Variants in TMC7 observed in about 807,000 individuals in gnomAD.
The protein encoded by TMC7 is transmembrane channel-like protein 7.
In TMC7, 54 loss-of-function variants were observed where a neutral mutation model predicts 82.9. The ratio of observed to expected loss-of-function variants is 0.65; its 90% confidence interval spans 0.52 to 0.82. The LOEUF (loss-of-function observed/expected upper bound fraction) is 0.82. Ranked by LOEUF, TMC7 falls within the 40% of genes least tolerant of loss-of-function variation. The pLI, the probability that TMC7 is intolerant of heterozygous loss-of-function variation, is 0.00. For synonymous variants in TMC7, 350 were observed against 337.9 expected, an observed-to-expected ratio of 1.04 and a Z score of -0.39; for missense variants, 820 against 901.2, an observed-to-expected ratio of 0.91 and a Z score of 1.15.
Position 19,062,204 on chromosome 16 carries a change from G to A in TMC7, c.*361G>A, listed in dbSNP as rs1962037549. The A allele has an allele frequency of 4.8e-6, 1 of 206,356 alleles. No individual in the cohort carries two copies. Among genetic ancestry groups the A allele is most frequent in the Admixed American group, 5.7e-5 (1 of 17,468 alleles). 12.8% of individuals were successfully genotyped at this position (206,356 alleles called of 1,614,324 possible). On this transcript the variant is annotated 3_prime_UTR_variant, in exon 16 of 16. Coordinates refer to ENST00000304381, the MANE Select transcript of TMC7 (RefSeq NM_024847.4). ...GTTTTGGGTTGTGGACTGAAGCTCA[G>A]CCTGTTAATCAGACCAGCCCATGAG...
chr16:19,035,738 A>C lies in TMC7; in HGVS notation c.920A>C (p.Asn307Thr). Residue 307 changes from asparagine (N) to threonine (T), a missense_variant, in exon 7 of 16, where the codon AAC becomes ACC. By Grantham distance (65) the Asn-to-Thr change is moderately conservative (BLOSUM62 0). Transcript: ENST00000304381. ...RSEEHFQSYC[N>T]KIFAGWDFCI... ...GAGGAGCACTTTCAGAGTTACTGCA[A>C]CAAGATATTTGCCGGCTGGGACTTC... 6.2e-7 allele frequency: 1 copy of C among 1,613,864 alleles called. No homozygotes were observed. Among genetic ancestry groups the C allele is most frequent in the Non-Finnish European group, 8.5e-7 (1 of 1,179,948 alleles).
chr16:19,001,083 A>T (rs2039133538), intron 1 of TMC7, among the ~76,000 whole-genome samples: 1 of 152,240 alleles, frequency 6.6e-6, no homozygotes, highest in African/African-American at 2.4e-5. Flanking sequence ...CATATAGAGA[A>T]GAATAATATT....
chr16:19,010,991 G>A (rs1027178613), intron 2 of TMC7, among the ~76,000 whole-genome samples: 29 of 152,304 alleles, frequency 1.9e-4, no homozygotes, highest in Admixed American at 1.4e-3. Context: ...TCACAGTCCA[G>A]ATTCAATCGG....
intron 5 of TMC7, among the ~76,000 whole-genome samples, chr16:19,027,427 C>A (rs1255817267): frequency 6.6e-6 from 1 of 152,028 alleles, no homozygotes; most frequent in Non-Finnish European, 1.5e-5. Flanking sequence ...ACTGAATTTT[C>A]ATTTAATGTT....
At chr16:18,984,207 G>C in intron 1 of TMC7, 77 bp downstream of exon 1, 5 of 1,393,346 alleles carry the variant, frequency 3.6e-6, no homozygotes, top group Non-Finnish European at 4.6e-6. Context: ...GGTGCTGGAG[G>C]CTCGGCCTGG....
At chr16:19,023,264 T>G in intron 5 of TMC7, 69 bp downstream of exon 5, 1 of 1,038,242 alleles carries the variant, frequency 9.6e-7, no homozygotes, top group Non-Finnish European at 1.4e-6. Context: ...TAAAGATCAG[T>G]TTCCCAAATT....
chr16:19,039,212 T>C (rs1175645561), intron 8 of TMC7, among the ~76,000 whole-genome samples: 3 of 150,808 alleles, frequency 2.0e-5, no homozygotes, highest in Non-Finnish European at 2.9e-5. Flanking sequence ...TGTCTCAGCC[T>C]CCCGAGTAGC....
chr16:19,008,684 A>G (rs1032019410), intron 1 of TMC7, among the ~76,000 whole-genome samples: 18 of 152,156 alleles, frequency 1.2e-4, no homozygotes, highest in Admixed American at 9.2e-4. Flanking sequence ...TCTTAACACC[A>G]TGCCTGACAC....
At chr16:19,052,179 G>A (rs1961570364) in intron 13 of TMC7, among the ~76,000 whole-genome samples, 1 of 151,848 alleles carries the variant, frequency 6.6e-6, no homozygotes, top group Non-Finnish European at 1.5e-5. Context: ...TGATCCGCCC[G>A]CCTTGGCCTC....
At chr16:19,021,821 C>T (rs146971073) in intron 4 of TMC7, 25 bp downstream of exon 4, 87 of 1,608,404 alleles carry the variant, frequency 5.4e-5, no homozygotes, top group African/African-American at 3.5e-4. Flanking sequence ...TGGTTTACTA[C>T]GAAGTGTGTT....
In TMC7 at chr16:19,056,698, G is replaced by A. The variant is rs1961789048; in HGVS notation, c.2027+1G>A. The A allele has an allele frequency of 3.7e-6, 6 of 1,613,438 alleles. No homozygotes were observed. In the East Asian group the frequency reaches 6.7e-5, roughly 18 times the overall value. Reference sequence around the variant, plus strand: ...CAGTTCCTTTCTTCATGATTATTTGGTGAGTGAGAACCACCAGGACCCACT... The same window carrying A: ...CAGTTCCTTTCTTCATGATTATTTGATGAGTGAGAACCACCAGGACCCACT... On this transcript the variant is annotated splice_donor_variant, in intron 14 of 15. Transcript: ENST00000304381. LOFTEE classifies it high-confidence loss of function.
At chr16:19,017,992 G>A (rs1959786068) in intron 3 of TMC7, among the ~76,000 whole-genome samples, 1 of 152,094 alleles carries the variant, frequency 6.6e-6, no homozygotes, top group African/African-American at 2.4e-5. Context: ...TTAAAAATTA[G>A]CTGGATGTGG....
intron 14 of TMC7, among the ~76,000 whole-genome samples, chr16:19,058,181 C>A (rs1218791738): frequency 6.6e-6 from 1 of 152,050 alleles, no homozygotes; most frequent in Non-Finnish European, 1.5e-5. Context: ...CACTTGAGGT[C>A]AGGAGTTCGA....
intron 1 of TMC7, among the ~76,000 whole-genome samples, chr16:18,998,059 A>T (rs1041441930): frequency 2.0e-5 from 3 of 151,994 alleles, no homozygotes; most frequent in African/African-American, 7.2e-5. Flanking sequence ...TTCAACCTTT[A>T]GTAGAACACA....
At chr16:19,018,471 C>T (rs1378924330) in intron 3 of TMC7, among the ~76,000 whole-genome samples, 1 of 152,076 alleles carries the variant, frequency 6.6e-6, no homozygotes, top group Non-Finnish European at 1.5e-5. Flanking sequence ...TTTATAAGGA[C>T]ACTAATCCCA....
intron 12 of TMC7, 128 bp downstream of exon 12, chr16:19,047,377 A>T: frequency 5.3e-6 from 4 of 757,320 alleles, no homozygotes; most frequent in South Asian, 2.3e-5. Context: ...TTTAAAATAT[A>T]TGTTTATTCT....
intron 9 of TMC7, among the ~76,000 whole-genome samples, chr16:19,043,429 T>C (rs369743063): frequency 6.2e-5 from 8 of 128,830 alleles, no homozygotes; most frequent in East Asian, 4.6e-4. Flanking sequence ...AAGTTGCCAT[T>C]TTAACCATTG....
chr16:19,053,058 G>T (rs577679904), intron 13 of TMC7, among the ~76,000 whole-genome samples: 3 of 152,080 alleles, frequency 2.0e-5, no homozygotes, highest in East Asian at 3.9e-4. Flanking sequence ...GTGTTTTGTT[G>T]CTCTTTATTG....
At chr16:19,040,156 G>C (rs1294861134) in intron 8 of TMC7, 133 bp from the exon 9 acceptor site, 1 of 533,780 alleles carries the variant, frequency 1.9e-6, no homozygotes, top group Non-Finnish European at 3.1e-6. Context: ...GATGACTTAT[G>C]CTTACAGGCC....
Sources: gnomAD v4.1 joint callset for allele counts (sites outside exome capture counted in the v4.1 genomes callset) on GRCh38, gnomAD v4.1.1 for gene constraint, MANE v1.5 for transcripts, NCBI Gene and HGNC (gene_info 2026-07-23, HGNC 2026-07-21) for gene names.